MYH3: variants seen among roughly 807,000 people sequenced by gnomAD.
MYH3 encodes myosin heavy chain 3.
In MYH3, 130 loss-of-function variants were observed where a neutral mutation model predicts 238.0. The ratio of observed to expected loss-of-function variants is 0.55; its 90% CI spans 0.47 to 0.63. The LOEUF (loss-of-function observed/expected upper bound fraction) is 0.63, where lower values mean the gene tolerates loss of function less well. Ranked by LOEUF, MYH3 falls within the 30% of genes least tolerant of loss-of-function variation. The pLI is 0.00. For missense variants in MYH3, 1,853 were observed against 2,374.9 expected (o/e 0.78, Z 4.57); for synonymous variants, 880 against 924.1 (o/e 0.95, Z 0.86).
chr17:10,633,504 A>AT, intron 33 of MYH3, 87 bp downstream of exon 33: 1 of 1,579,032 alleles, frequency 6.3e-7, no homozygotes, highest in Middle Eastern at 2.0e-4. Context: ...AAAGGCAAAA[A>AT]TGGAGACACA....
the MYH3 span, among the ~76,000 whole-genome samples, chr17:10,663,281 T>C: frequency 6.6e-6 from 1 of 152,054 alleles, no homozygotes; most frequent in African/African-American, 2.4e-5. Flanking sequence ...AAATGAACTG[T>C]ATGGTACAAG....
the MYH3 span, chr17:10,673,886 G>A: frequency 6.6e-6 from 1 of 152,112 alleles, no homozygotes; most frequent in Admixed American, 6.5e-5. Context: ...TTCAAAAGTG[G>A]GGCAATTAAA....
Position 10,642,761 on chromosome 17 carries a change from A to G in MYH3, c.1582-38T>C, listed in dbSNP as rs1567558023. 1 of 1,614,170 alleles carries G rather than the reference A, an allele frequency of 6.2e-7. No individual in the cohort carries two copies. Among genetic ancestry groups the G allele is most frequent in the Admixed American group, 1.7e-5 (1 of 60,018 alleles). On this transcript the variant is annotated intron_variant, in intron 15 of 40. Transcript: ENST00000583535. The surrounding 1 kb of genome is among the most constrained non-coding windows in gnomAD (Gnocchi z 5.4). ...CAAGGCAAAGTGCAGAGAGGTAAAT[A>G]TGAGCTGCAGTAATGAGCAGAAGAG...
In MYH3 at chr17:10,647,090, T is replaced by C. The variant is rs1052106001; in HGVS notation, c.898+92A>G. Reference sequence around the variant, plus strand: ...AATAAAATAAACTTTCCCTGTTGACTGTAGAGTCACTCTACGTAGATACAA... The same window carrying C: ...AATAAAATAAACTTTCCCTGTTGACCGTAGAGTCACTCTACGTAGATACAA... On this transcript the variant is annotated intron_variant, in intron 10 of 40. Transcript: ENST00000583535. The C allele has an allele frequency of 1.4e-5, 13 of 937,294 alleles. No homozygotes were observed. In the African/African-American group the frequency reaches 1.8e-4, roughly 13 times the overall value. 58.1% of individuals were successfully genotyped at this position (937,294 alleles called of 1,614,324 possible).
the MYH3 span, among the ~76,000 whole-genome samples, chr17:10,669,778 G>T: frequency 6.6e-6 from 1 of 152,088 alleles, no homozygotes; most frequent in Non-Finnish European, 1.5e-5. Flanking sequence ...GGGCGTGGTG[G>T]TATGTGCCTG....
In MYH3 at chr17:10,651,423, T is replaced by A. The variant is rs1047583603; in HGVS notation, c.505+89A>T. On this transcript the variant is annotated intron_variant, in intron 5 of 40. Coordinates refer to ENST00000583535, the MANE Select transcript of MYH3 (RefSeq NM_002470.4). ...TCCTTTCCCTGTGCTAAACACCAGA[T>A]GGGGTCCAGCCTGGGAGTAAGGGGC... 4.4e-6 allele frequency: 7 copies of A among 1,602,316 alleles called. No individual in the cohort carries two copies. The African/African-American group carries it at 9.4e-5, about 21-fold the overall frequency.
chr17:10,629,180 C>T (rs746935252), intron 40 of MYH3, among the ~76,000 whole-genome samples: 3 of 152,040 alleles, frequency 2.0e-5, no homozygotes, highest in Non-Finnish European at 2.9e-5. Context: ...CTCCCCTTGC[C>T]GCCCCCACCC....
At chr17:10,647,537 T>C in intron 8 of MYH3, 111 bp from the exon 9 acceptor site, 1 of 1,057,628 alleles carries the variant, frequency 9.5e-7, no homozygotes, top group Non-Finnish European at 1.4e-6. Flanking sequence ...ATTTTTGTTT[T>C]GTTTTGTTTT....
In MYH3 at chr17:10,632,665, CCTCTTCAGCTGCTCGAT is replaced by C. The variant is rs1299706259; in HGVS notation, c.4750_4766del (p.Ile1584GlufsTer22). On this transcript the variant is annotated frameshift_variant, in exon 34 of 41. Transcript: ENST00000583535. LOFTEE classifies it high-confidence loss of function. ...TGGTTTCCACTGTTCTCTGGTAGTT[CCTCTTCAGCTGCTCGAT>C]CTCTTCATCCTTCTCGGCGATCTTT... 1.2e-6 allele frequency: 2 copies of C among 1,614,066 alleles called. No individual in the cohort carries two copies. The highest frequency in any genetic ancestry group is 2.7e-5 in the African/African-American group (2 of 74,924).
the MYH3 span, among the ~76,000 whole-genome samples, chr17:10,665,849 C>A: frequency 6.6e-6 from 1 of 152,174 alleles, no homozygotes; most frequent in South Asian, 2.1e-4. Context: ...CTGCCAGATA[C>A]TAAAACATAC....
rs946353816 is a variant in MYH3 at position 10,647,438 on chromosome 17, G to A, written c.736-12C>T. On this transcript the variant is annotated splice_polypyrimidine_tract_variant and intron_variant, in intron 8 of 40. Transcript: ENST00000583535. ...CGGATGAACTTGCCCTGTATGGGGC[G>A]GGATTCAGGGGGAGACCAGATTCTA... The A allele has an allele frequency of 1.2e-5, 19 of 1,613,824 alleles. No individual in the cohort carries two copies. The highest frequency in any genetic ancestry group is 8.8e-5 in the South Asian group (8 of 91,074).
chr17:10,631,305 T>C (rs1320141240), intron 36 of MYH3, among the ~76,000 whole-genome samples: 1 of 152,136 alleles, frequency 6.6e-6, no homozygotes, highest in East Asian at 1.9e-4. Context: ...AAGGGAAAAA[T>C]GTGTGGGATA....
chr17:10,651,415 A>C, intron 5 of MYH3, 97 bp downstream of exon 5: 1 of 1,598,324 alleles, frequency 6.3e-7, no homozygotes. Context: ...CCTGTGCTAA[A>C]CACCAGATGG....
Position 10,635,314 on chromosome 17 carries a change from T to C in MYH3, c.4172+53A>G. The C allele has an allele frequency of 5.0e-6, 8 of 1,613,556 alleles. No homozygotes were observed. The South Asian group carries it at 6.6e-5, about 13-fold the overall frequency. ...GGAAACGCCTAGTAATAAAAATAAA[T>C]TCATCGAATTCATTCCTAAGTAGTT... On this transcript the variant is annotated intron_variant, in intron 30 of 40. Coordinates refer to ENST00000583535, the MANE Select transcript of MYH3 (RefSeq NM_002470.4).
At chr17:10,665,268 G>C in the MYH3 span, among the ~76,000 whole-genome samples, 1 of 151,880 alleles carries the variant, frequency 6.6e-6, no homozygotes, top group Non-Finnish European at 1.5e-5. Context: ...TCAGCCTCCC[G>C]AGTAGCTGGA....
Position 10,632,553 on chromosome 17 carries a change from C to T in MYH3, c.4879G>A (p.Glu1627Lys). 6.2e-7 allele frequency: 1 copy of T among 1,614,134 alleles called. No homozygotes were observed. The highest frequency in any genetic ancestry group is 1.1e-5 in the South Asian group (1 of 91,088). The change falls in exon 34 of 41, where the codon GAG becomes AAG. Residue 1627 changes from glutamate (E) to lysine (K), a missense_variant. This residue lies in a region of MYH3 where 1,044 missense variants were observed against 1,192.6 expected (regional missense o/e 0.88). Coordinates refer to ENST00000583535, the MANE Select transcript of MYH3 (RefSeq NM_002470.4). ...KKMEGDLNEI[E>K]IQLSHANRQA... ...CGGTTGGCGTGGCTCAGCTGGATCT[C>T]GATTTCATTCAGGTCCCCCTCCATC...
At chr17:10,662,028 C>T (rs66864047), upstream of MYH3, among the ~76,000 whole-genome samples, 228 of 140,794 alleles carry the variant, frequency 1.6e-3, no homozygotes, top group African/African-American at 4.9e-3. Flanking sequence ...TTCTTTCTTT[C>T]TTTTTTTTTT....
intron 40 of MYH3, among the ~76,000 whole-genome samples, chr17:10,629,022 G>C (rs1167256452): frequency 6.6e-6 from 1 of 152,108 alleles, no homozygotes; most frequent in Non-Finnish European, 1.5e-5. Flanking sequence ...TCAGGATGGC[G>C]GTTTGTTTTG....
intron 12 of MYH3, among the ~76,000 whole-genome samples, chr17:10,645,100 C>T (rs1402534157): frequency 2.7e-5 from 4 of 149,732 alleles, no homozygotes; most frequent in African/African-American, 9.8e-5. Context: ...TGCAGTGGCA[C>T]GATCTCAGTG....
Sources: gnomAD v4.1 joint callset for allele counts (sites outside exome capture counted in the v4.1 genomes callset) on GRCh38, gnomAD v4.1.1 for gene constraint, gnomAD v4.1.1 regional missense constraint, Gnocchi (gnomAD v3.1) non-coding constraint, MANE v1.5 for transcripts, NCBI Gene and HGNC (gene_info 2026-07-23, HGNC 2026-07-21) for gene names.